FAM222B: variants seen among roughly 807,000 people sequenced by gnomAD.
The protein encoded by FAM222B is protein FAM222B.
Under a neutral mutation model 38.0 loss-of-function variants are expected in FAM222B, and 12 were observed. The observed-to-expected ratio is 0.32, with a 90% CI of 0.20 to 0.51. The LOEUF (loss-of-function observed/expected upper bound fraction) is 0.51, where lower values mean the gene tolerates loss of function less well. Ranked by LOEUF, FAM222B falls within the 20% of genes least tolerant of loss-of-function variation. FAM222B has a pLI of 0.97. For missense variants in FAM222B, 716 were observed against 754.2 expected, an observed-to-expected ratio of 0.95 and a Z score of 0.59; for synonymous variants, 329 against 317.2, an observed-to-expected ratio of 1.04 and a Z score of -0.40.
chr17:28,836,618 G>A (rs9898168), intron 1 of FAM222B, among the ~76,000 whole-genome samples: 116 of 152,186 alleles, frequency 7.6e-4, no homozygotes, highest in African/African-American at 2.7e-3. Context: ...CAAGCAGGGG[G>A]TACGTGACTG....
intron 1 of FAM222B, among the ~76,000 whole-genome samples, chr17:28,796,418 T>G (rs2036941045): frequency 6.6e-6 from 1 of 152,212 alleles, no homozygotes. Flanking sequence ...AATCATTAAC[T>G]GGTGCTTCCT....
intron 1 of FAM222B, among the ~76,000 whole-genome samples, chr17:28,784,593 C>T (rs531321408): frequency 8.8e-5 from 13 of 148,068 alleles, no homozygotes; most frequent in African/African-American, 2.7e-4. Context: ...AATCCCAGCA[C>T]TCTGGGAGGC....
intron 1 of FAM222B, among the ~76,000 whole-genome samples, chr17:28,818,395 G>A (rs2038099440): frequency 1.3e-5 from 2 of 152,004 alleles, no homozygotes; most frequent in South Asian, 2.1e-4. Flanking sequence ...GGGCGTGGTG[G>A]TGGGCACCTG....
At chr17:28,796,755 C>CA (rs2036957968) in intron 1 of FAM222B, among the ~76,000 whole-genome samples, 1 of 151,878 alleles carries the variant, frequency 6.6e-6, no homozygotes, top group South Asian at 2.1e-4. Context: ...GTGGACCCAA[C>CA]ACCTTTCAGA....
At chr17:28,811,397 G>T (rs1350598153) in intron 1 of FAM222B, among the ~76,000 whole-genome samples, 2 of 152,116 alleles carry the variant, frequency 1.3e-5, no homozygotes, top group African/African-American at 4.8e-5. Flanking sequence ...CCGAGATCGC[G>T]CCACTGCACT....
At chr17:28,797,793 C>A (rs1337707760) in intron 1 of FAM222B, among the ~76,000 whole-genome samples, 1 of 152,042 alleles carries the variant, frequency 6.6e-6, no homozygotes, top group Non-Finnish European at 1.5e-5. Flanking sequence ...ACAGCCATCA[C>A]GGATCATGCC....
chr17:28,841,960 G>C (rs1257398947), intron 1 of FAM222B, among the ~76,000 whole-genome samples: 2 of 152,122 alleles, frequency 1.3e-5, no homozygotes, highest in Non-Finnish European at 2.9e-5. Context: ...TCTTAACAGA[G>C]AAATCAGTCA....
intron 1 of FAM222B, among the ~76,000 whole-genome samples, chr17:28,815,504 G>A (rs555140989): frequency 1.2e-4 from 18 of 150,576 alleles, no homozygotes; most frequent in Middle Eastern, 3.4e-3. Flanking sequence ...GTGAGCCACC[G>A]TGCCCGGCCT....
intron 1 of FAM222B, among the ~76,000 whole-genome samples, chr17:28,834,553 A>T (rs930158908): frequency 6.6e-6 from 1 of 152,080 alleles, no homozygotes; most frequent in Admixed American, 6.6e-5. Context: ...GCCAAATTGT[A>T]TTCCTCCTTC....
intron 1 of FAM222B, among the ~76,000 whole-genome samples, chr17:28,847,886 C>A (rs559145896): frequency 4.0e-5 from 6 of 150,756 alleles, no homozygotes; most frequent in South Asian, 2.1e-4. Flanking sequence ...TGTACTCCGG[C>A]CTGGGCGAAA....
chr17:28,843,142 T>G (rs1321422929), upstream of FAM222B, among the ~76,000 whole-genome samples: 6 of 151,958 alleles, frequency 3.9e-5, no homozygotes, highest in South Asian at 2.1e-4. Flanking sequence ...TTGGGTCTTT[T>G]TTTTTTTTTT....
intron 1 of FAM222B, among the ~76,000 whole-genome samples, chr17:28,795,229 G>C (rs372426628): frequency 6.6e-6 from 1 of 152,078 alleles, no homozygotes; most frequent in South Asian, 2.1e-4. Context: ...CTCATATCAC[G>C]GCAACCTCCA....
Position 28,795,355 on chromosome 17 carries a change from G to C in FAM222B, c.-40-28648C>G, listed in dbSNP as rs184791887. Among the ~76,000 whole-genome samples, 20 of 152,322 alleles carry C rather than the reference G, an allele frequency of 1.3e-4. No individual in the cohort carries two copies. The East Asian group carries it at 3.1e-3, about 23-fold the overall frequency. ...AGACAGGGTTTCGCCGTGTTGGGCA[G>C]ACTGGTCTCGAACTCCTGACCTCAA... On this transcript the variant is annotated intron_variant, in intron 1 of 2. Transcript: ENST00000581407.
chr17:28,788,946 C>T (rs1192060526), intron 1 of FAM222B, among the ~76,000 whole-genome samples: 1 of 151,024 alleles, frequency 6.6e-6, no homozygotes, highest in African/African-American at 2.4e-5. Context: ...GGGGTTTCAC[C>T]ATGTTAGCCA....
At chr17:28,853,838 G>A (rs897240132) in intron 1 of FAM222B, among the ~76,000 whole-genome samples, 1 of 151,960 alleles carries the variant, frequency 6.6e-6, no homozygotes, top group Non-Finnish European at 1.5e-5. Flanking sequence ...GCTCCAGTGA[G>A]CTATGATCAT....
At chr17:28,814,659 G>T (rs1011626524) in intron 1 of FAM222B, among the ~76,000 whole-genome samples, 3 of 151,864 alleles carry the variant, frequency 2.0e-5, no homozygotes, top group African/African-American at 7.3e-5. Context: ...TCGAGACGGG[G>T]TTTCGCCATG....
At chr17:28,801,451 CAAAA>C (rs766189732) in intron 1 of FAM222B, among the ~76,000 whole-genome samples, 1 of 90,320 alleles carries the variant, frequency 1.1e-5, no homozygotes. Flanking sequence ...GACTCCGTCT[CAAAA>C]AAAAAAAAAA....
chr17:28,839,823 G>T (rs949704494), intron 1 of FAM222B, among the ~76,000 whole-genome samples: 1 of 151,756 alleles, frequency 6.6e-6, no homozygotes, highest in African/African-American at 2.4e-5. Context: ...TGCATTTCCA[G>T]GAAAGAAAAG....
At chr17:28,782,633 A>T (rs2036213569) in intron 1 of FAM222B, among the ~76,000 whole-genome samples, 1 of 152,226 alleles carries the variant, frequency 6.6e-6, no homozygotes, top group Non-Finnish European at 1.5e-5. Context: ...AAGAATTTTT[A>T]AAAATTATAT....
Sources: gnomAD v4.1 joint callset for allele counts (sites outside exome capture counted in the v4.1 genomes callset) on GRCh38, gnomAD v4.1.1 for gene constraint, MANE v1.5 for transcripts, NCBI Gene and HGNC (gene_info 2026-07-23, HGNC 2026-07-21) for gene names.